CTRB2: variants seen among roughly 807,000 people sequenced by gnomAD.
CTRB2 encodes chymotrypsinogen B2.
CTRB2 carries 9 observed loss-of-function variants against 19.3 expected under a neutral mutation model. That is an observed-to-expected ratio of 0.47 (90% CI 0.28 to 0.81). The LOEUF is 0.81. CTRB2 is among the 40% of genes least tolerant of loss of function. The pLI is 0.11. For missense variants in CTRB2, 210 were observed against 269.7 expected (o/e 0.78, Z 1.55); for synonymous variants, 98 against 117.3 (o/e 0.84, Z 1.06).
Position 75,207,083 on chromosome 16 carries a change from C to A in CTRB2, c.52+7G>T, listed in dbSNP as rs761190832. ...ACCCTTCGGCCTCCGCAGGGCCTGG[C>A]ACTCACCGAAGGTGGTACCCAGGAG... is the stretch of plus-strand genomic sequence containing the variant. On this transcript the variant is annotated splice_region_variant and intron_variant, in intron 1 of 6. Transcript: ENST00000303037. The A allele has an allele frequency of 3.9e-6, 6 of 1,553,756 alleles. No individual in the cohort carries two copies. The South Asian group carries it at 7.1e-5, about 18-fold the overall frequency.
chr16:75,204,345 C>G, intron 6 of CTRB2, 23 bp from the exon 7 acceptor site: 1 of 1,612,414 alleles, frequency 6.2e-7, no homozygotes, highest in Non-Finnish European at 8.5e-7. Context: ...GAGGAAGTAT[C>G]TCTAGGCCTG....
At chr16:75,206,633 G>A (rs574957497) in intron 1 of CTRB2, 247 of 300,518 alleles carry the variant, frequency 8.2e-4, no homozygotes, top group African/African-American at 4.8e-3. Context: ...TCTGCGCCTG[G>A]CACCCGGGAA....
chr16:75,206,798 C>G, intron 1 of CTRB2: 1 of 465,250 alleles, frequency 2.1e-6, no homozygotes, highest in African/African-American at 2.0e-5. Context: ...TCAGGGCAGC[C>G]CCCGGACACC....
At chr16:75,206,638 C>T (rs1284227919) in intron 1 of CTRB2, 3 of 294,958 alleles carry the variant, frequency 1.0e-5, no homozygotes, top group Non-Finnish European at 1.3e-5. Context: ...GCCTGGCACC[C>T]GGGAAGTGCT....
chr16:75,206,806 A>C (rs1597117774), intron 1 of CTRB2: 1 of 475,234 alleles, frequency 2.1e-6, no homozygotes, highest in Non-Finnish European at 3.9e-6. Context: ...GCCCCCGGAC[A>C]CCTGCCTCCT....
chr16:75,206,272 T>C, intron 1 of CTRB2, 79 bp from the exon 2 acceptor site: 1 of 1,422,960 alleles, frequency 7.0e-7, no homozygotes, highest in Non-Finnish European at 9.5e-7. Context: ...CTCCCAACTC[T>C]TTTCCAGTCT....
At chr16:75,204,427 T>C in intron 6 of CTRB2, 105 bp from the exon 7 acceptor site, 2 of 1,155,826 alleles carry the variant, frequency 1.7e-6, no homozygotes, top group South Asian at 1.4e-5. Context: ...ATGGTAAGCA[T>C]GGGCATAGGG....
chr16:75,206,758 C>T (rs1567562341), intron 1 of CTRB2: 45 of 410,752 alleles, frequency 1.1e-4, no homozygotes, highest in South Asian at 9.1e-4. Flanking sequence ...GTGCTGGGGC[C>T]GCTGACTGTT....
At chr16:75,204,954 A>C in intron 5 of CTRB2, 48 bp from the exon 6 acceptor site, 3 of 644,692 alleles carry the variant, frequency 4.7e-6, no homozygotes, top group Non-Finnish European at 4.8e-6. Flanking sequence ...CTCAGCCAAG[A>C]GTGGAGGGAG....
Sources: gnomAD v4.1 joint callset for allele counts on GRCh38, gnomAD v4.1.1 for gene constraint, MANE v1.5 for transcripts, NCBI Gene and HGNC (gene_info 2026-07-23, HGNC 2026-07-21) for gene names.